Variants in MDGA2 observed in about 807,000 individuals in gnomAD.
The protein encoded by MDGA2 is MAM domain containing glycosylphosphatidylinositol anchor 2.
Under a neutral mutation model 117.8 loss-of-function variants are expected in MDGA2, and 40 were observed. The observed-to-expected ratio is 0.34, with a 90% CI of 0.26 to 0.44. The LOEUF is 0.44. Among genes scored for constraint, MDGA2 ranks in the 20% least tolerant of loss-of-function variants. MDGA2 has a pLI of 1.00. For synonymous variants in MDGA2, 452 were observed against 439.0 expected (o/e 1.03, Z -0.37); for missense variants, 1,123 against 1,250.6 (o/e 0.90, Z 1.54).
intron 3 of MDGA2, among the ~76,000 whole-genome samples, chr14:47,206,839 T>C (rs1885701734): frequency 6.6e-6 from 1 of 151,896 alleles, no homozygotes; most frequent in Non-Finnish European, 1.5e-5. Flanking sequence ...CAGTGAGAGC[T>C]ATTATTGCAC....
At chr14:47,588,751 T>C (rs746004620) in intron 1 of MDGA2, among the ~76,000 whole-genome samples, 3 of 152,004 alleles carry the variant, frequency 2.0e-5, no homozygotes, top group Admixed American at 2.0e-4. Flanking sequence ...TTTATCTATA[T>C]ATATTAGGTT....
chr14:47,471,574 T>C (rs1354429271), intron 1 of MDGA2, among the ~76,000 whole-genome samples: 1 of 152,144 alleles, frequency 6.6e-6, no homozygotes, highest in Non-Finnish European at 1.5e-5. Context: ...TTTCTATTTT[T>C]AATTTAAAAA....
rs548431019 is a variant in MDGA2, at chr14:47,012,485, T to C, written c.1819+22526A>G. ...ACCACTTTAGCTTTAACAAACTTAA[T>C]AAGCTTAGTTCCTAGGTTAGGAAAG... On this transcript the variant is annotated intron_variant, in intron 8 of 16. Coordinates refer to ENST00000399232, the MANE Select transcript of MDGA2 (RefSeq NM_001113498.3). Among the ~76,000 whole-genome samples the C allele has an allele frequency of 2.0e-5, 3 of 152,266 alleles. No individual in the cohort carries two copies. The South Asian group carries it at 6.2e-4, about 32-fold the overall frequency.
chr14:47,340,123 C>A (rs558062052), intron 1 of MDGA2, among the ~76,000 whole-genome samples: 3 of 152,056 alleles, frequency 2.0e-5, no homozygotes, highest in Admixed American at 2.0e-4. Flanking sequence ...GCTGGCTACT[C>A]GGAGAGGCCT....
intron 8 of MDGA2, among the ~76,000 whole-genome samples, chr14:47,008,148 T>C (rs1040804410): frequency 2.6e-5 from 4 of 151,872 alleles, no homozygotes; most frequent in Admixed American, 1.3e-4. Context: ...TATATATAAA[T>C]TATGTGGACC....
rs562830762 is a variant in MDGA2 at position 47,539,292 on chromosome 14, C to A, written c.280+135225G>T. Among the ~76,000 whole-genome samples, 8 of 152,286 alleles carry A rather than the reference C, an allele frequency of 5.3e-5. No individual in the cohort carries two copies. In the South Asian group the frequency reaches 1.0e-3, roughly 20 times the overall value. ...GGATGTTCCCATGCAGGCATTCTTG[C>A]AATAGTAGCAAAAAGCAAAACCAAA... On this transcript the variant is annotated intron_variant, in intron 1 of 16. Coordinates refer to ENST00000399232, the MANE Select transcript of MDGA2 (RefSeq NM_001113498.3).
intron 10 of MDGA2, among the ~76,000 whole-genome samples, chr14:46,913,762 A>G (rs1278064418): frequency 6.6e-6 from 1 of 152,184 alleles, no homozygotes; most frequent in Non-Finnish European, 1.5e-5. Flanking sequence ...TGGCAGTACT[A>G]ACTGCCCCCA....
chr14:46,902,675 G>T (rs1275276529), intron 10 of MDGA2, among the ~76,000 whole-genome samples: 1 of 152,082 alleles, frequency 6.6e-6, no homozygotes, highest in Non-Finnish European at 1.5e-5. Context: ...CCCACGATTT[G>T]TCTACTTTTA....
intron 2 of MDGA2, among the ~76,000 whole-genome samples, chr14:47,264,799 G>A (rs1480558294): frequency 1.3e-5 from 2 of 151,864 alleles, no homozygotes; most frequent in Admixed American, 6.6e-5. Flanking sequence ...ATGGGTAAAT[G>A]ACCCATCAAC....
chr14:47,564,797 G>A (rs1404914291), intron 1 of MDGA2, among the ~76,000 whole-genome samples: 1 of 152,162 alleles, frequency 6.6e-6, no homozygotes, highest in Non-Finnish European at 1.5e-5. Flanking sequence ...ATTTCTCAGA[G>A]GTTTTGTTCA....
chr14:47,549,612 T>A (rs1895541033), intron 1 of MDGA2, among the ~76,000 whole-genome samples: 1 of 152,178 alleles, frequency 6.6e-6, no homozygotes, highest in South Asian at 2.1e-4. Flanking sequence ...ATTCATAGGT[T>A]GGACCCCTAA....
At chr14:47,042,317 T>C (rs1315221121) in intron 7 of MDGA2, among the ~76,000 whole-genome samples, 4 of 99,242 alleles carry the variant, frequency 4.0e-5, no homozygotes, top group Non-Finnish European at 8.6e-5. Context: ...TCTATGTTTT[T>C]TTTTTTTTTT....
At chr14:47,397,237 A>G (rs1892032164) in intron 1 of MDGA2, among the ~76,000 whole-genome samples, 1 of 152,188 alleles carries the variant, frequency 6.6e-6, no homozygotes, top group Non-Finnish European at 1.5e-5. Flanking sequence ...AGGACAGAAA[A>G]CCAAACACCA....
intron 8 of MDGA2, among the ~76,000 whole-genome samples, chr14:47,000,365 G>GTATATATATATTTA (rs1170850632): frequency 1.9e-5 from 1 of 51,432 alleles, no homozygotes; most frequent in Non-Finnish European, 3.9e-5. Context: ...ACATATATAT[G>GTATATATATATTTA]TATATATATA....
intron 3 of MDGA2, among the ~76,000 whole-genome samples, chr14:47,197,064 C>T (rs1399623351): frequency 2.6e-5 from 4 of 152,102 alleles, no homozygotes; most frequent in Non-Finnish European, 5.9e-5. Flanking sequence ...ATCCAGTCCA[C>T]CATTGATGGG....
At chr14:47,400,530 C>A (rs1385629659) in intron 1 of MDGA2, among the ~76,000 whole-genome samples, 1 of 151,266 alleles carries the variant, frequency 6.6e-6, no homozygotes. Context: ...CAACAATGAA[C>A]AAAACGCTGG....
chr14:47,543,391 C>T (rs1895392366), intron 1 of MDGA2, among the ~76,000 whole-genome samples: 1 of 152,126 alleles, frequency 6.6e-6, no homozygotes, highest in Non-Finnish European at 1.5e-5. Context: ...TTCACTGTCT[C>T]ATGGATTATT....
intron 2 of MDGA2, among the ~76,000 whole-genome samples, chr14:47,289,962 G>A (rs1888823522): frequency 6.6e-6 from 1 of 152,116 alleles, no homozygotes; most frequent in African/African-American, 2.4e-5. Flanking sequence ...GAGTGGCAAA[G>A]TTGTTAGGAC....
chr14:47,428,791 A>C (rs944180328), intron 1 of MDGA2, among the ~76,000 whole-genome samples: 2 of 152,082 alleles, frequency 1.3e-5, no homozygotes, highest in African/African-American at 4.8e-5. Flanking sequence ...ATATACATGT[A>C]TATATGTAAA....
Sources: gnomAD v4.1 joint callset for allele counts (sites outside exome capture counted in the v4.1 genomes callset) on GRCh38, gnomAD v4.1.1 for gene constraint, MANE v1.5 for transcripts, NCBI Gene and HGNC (gene_info 2026-07-23, HGNC 2026-07-21) for gene names.